Variants in REV3L observed in about 807,000 individuals in gnomAD.
The protein encoded by REV3L is REV3 like, DNA directed polymerase zeta catalytic subunit, also known as DNA polymerase zeta catalytic subunit.
In REV3L, 69 loss-of-function variants were observed where a neutral mutation model predicts 299.4. That is an observed-to-expected ratio of 0.23 (90% CI 0.19 to 0.28). The LOEUF is 0.28. Among genes scored for constraint, REV3L ranks in the 10% least tolerant of loss-of-function variants. The pLI, the probability that REV3L is intolerant of heterozygous loss-of-function variation, is 1.00. For synonymous variants in REV3L, 1,238 were observed against 1,271.4 expected (o/e 0.97, Z 0.56); for missense variants, 3,128 against 3,693.8 (o/e 0.85, Z 3.97).
intron 31 of REV3L, among the ~76,000 whole-genome samples, chr6:111,306,173 A>G (rs72943390): frequency 1.3e-5 from 2 of 152,280 alleles, no homozygotes; most frequent in African/African-American, 2.4e-5. Flanking sequence ...AGAGGAGATT[A>G]TGGCAGGAGC....
chr6:111,304,222 T>A (rs1052248955), intron 31 of REV3L, among the ~76,000 whole-genome samples: 1 of 149,518 alleles, frequency 6.7e-6, no homozygotes, highest in Admixed American at 6.7e-5. Context: ...TCATTACATC[T>A]CTAGTAATTT....
chr6:111,417,325 G>C (rs1323601549), intron 1 of REV3L, among the ~76,000 whole-genome samples: 3 of 152,328 alleles, frequency 2.0e-5, no homozygotes, highest in African/African-American at 4.8e-5. Flanking sequence ...ACAAAAAGCA[G>C]ATGCACCATT....
At chr6:111,335,337 C>G in intron 22 of REV3L, 132 bp downstream of exon 22, 1 of 1,024,956 alleles carries the variant, frequency 9.8e-7, no homozygotes, top group Non-Finnish European at 1.4e-6. Flanking sequence ...AATAAAATGA[C>G]AAGATTTAAT....
rs189402399 is a variant in REV3L, at chr6:111,394,055, C to T, written c.566-1083G>A. Among the ~76,000 whole-genome samples, 702 of 152,160 alleles carry T rather than the reference C, an allele frequency of 4.6e-3. 1 individual carries two copies. The highest frequency in any genetic ancestry group is 0.014 in the South Asian group (67 of 4,820). On this transcript the variant is annotated intron_variant, in intron 4 of 31. Transcript: ENST00000368802. Reference sequence around the variant, plus strand: ...ACTGATGTGCACTTAAGGTTGATTCCGCATCTTGGCTATTATAAACAGTGC... The same window carrying T: ...ACTGATGTGCACTTAAGGTTGATTCTGCATCTTGGCTATTATAAACAGTGC...
At chr6:111,329,494 AGT>A (rs1775173791) in intron 25 of REV3L, 36 bp downstream of exon 25, 2 of 1,589,928 alleles carry the variant, frequency 1.3e-6, no homozygotes, top group African/African-American at 2.7e-5. Flanking sequence ...ACTGTATTTT[AGT>A]CTCTTTTGAA....
At chr6:111,430,584 C>CA in intron 1 of REV3L, 1 of 1,558,148 alleles carries the variant, frequency 6.4e-7, no homozygotes, top group Non-Finnish European at 8.8e-7. Context: ...GCAGAAAACT[C>CA]AAAAGCAGGA....
At chr6:111,417,970 CAT>C (rs1019950323) in intron 1 of REV3L, among the ~76,000 whole-genome samples, 14 of 151,980 alleles carry the variant, frequency 9.2e-5, no homozygotes, top group Admixed American at 4.6e-4. Flanking sequence ...TCCTAAATTT[CAT>C]AGTTTTTCAA....
intron 1 of REV3L, among the ~76,000 whole-genome samples, chr6:111,428,549 CAG>C (rs1398810139): frequency 1.3e-4 from 20 of 151,586 alleles, no homozygotes; most frequent in Non-Finnish European, 2.5e-4. Context: ...AGAAAACAAA[CAG>C]AAATCAAAAC....
chr6:111,466,993 G>T (rs1791590236), intron 1 of REV3L, among the ~76,000 whole-genome samples: 1 of 152,172 alleles, frequency 6.6e-6, no homozygotes, highest in African/African-American at 2.4e-5. Context: ...TAATAAAGCA[G>T]ACGCTAAAGA....
chr6:111,471,006 A>C (rs1562364796), intron 1 of REV3L, among the ~76,000 whole-genome samples: 1 of 152,132 alleles, frequency 6.6e-6, no homozygotes, highest in Non-Finnish European at 1.5e-5. Flanking sequence ...AAAAATAAAT[A>C]AGTAAAAGAC....
chr6:111,437,809 A>T (rs554173336), intron 1 of REV3L, among the ~76,000 whole-genome samples: 1 of 152,114 alleles, frequency 6.6e-6, no homozygotes, highest in African/African-American at 2.4e-5. Context: ...ACTGAATTGT[A>T]TAAATAGGTA....
intron 1 of REV3L, 136 bp from the exon 2 acceptor site, chr6:111,416,608 T>C (rs551497908): frequency 1.5e-6 from 1 of 666,844 alleles, no homozygotes; most frequent in South Asian, 2.0e-5. Flanking sequence ...TAACCCATAG[T>C]TCAAAGTAAC....
chr6:111,350,493 T>C (rs1467438600), intron 19 of REV3L, among the ~76,000 whole-genome samples: 2 of 151,566 alleles, frequency 1.3e-5, no homozygotes, highest in African/African-American at 4.8e-5. Context: ...AAAAAAAAGA[T>C]ATACCACTAT....
chr6:111,309,690 C>CT, intron 30 of REV3L, 163 bp downstream of exon 30: 1 of 694,336 alleles, frequency 1.4e-6, no homozygotes, highest in Non-Finnish European at 2.2e-6. Context: ...CCACCTTTCT[C>CT]TACCCAGCAC....
At chr6:111,322,796 C>A in intron 25 of REV3L, 118 bp from the exon 26 acceptor site, 6 of 738,842 alleles carry the variant, frequency 8.1e-6, no homozygotes, top group South Asian at 2.0e-5. Flanking sequence ...GAGAAAAGAA[C>A]GTAAAAAAGA....
At chr6:111,396,131 ATCCTCC>A (rs1382148992) in intron 4 of REV3L, among the ~76,000 whole-genome samples, 1 of 152,118 alleles carries the variant, frequency 6.6e-6, no homozygotes, top group Non-Finnish European at 1.5e-5. Context: ...GGCTCAAGCC[ATCCTCC>A]TACCTAAGTC....
intron 1 of REV3L, among the ~76,000 whole-genome samples, chr6:111,432,547 T>A (rs1445516160): frequency 6.6e-6 from 1 of 152,130 alleles, no homozygotes; most frequent in Non-Finnish European, 1.5e-5. Flanking sequence ...AGCATCTGAG[T>A]GCATAAAGCA....
intron 7 of REV3L, 152 bp downstream of exon 7, chr6:111,388,954 G>C: frequency 1.7e-6 from 1 of 587,120 alleles, no homozygotes; most frequent in South Asian, 2.2e-5. Flanking sequence ...GATAAATAGT[G>C]GCTGTACAGC....
chr6:111,363,896 T>G lies in REV3L; in HGVS notation c.6836A>C (p.Lys2279Thr). 1 of 1,613,578 alleles carries G rather than the reference T, an allele frequency of 6.2e-7. No individual in the cohort carries two copies. Among genetic ancestry groups the G allele is most frequent in the Non-Finnish European group, 8.5e-7 (1 of 1,179,722 alleles). The part of the protein sequence containing the change: ...GPSLNNTYGF[K>T]VSIQNLQEAK... ...CTCCTGTAAGTTTTGTATGCTGACT[T>G]TGAAACCGTAAGTATTGTTTAAAGA... The change falls in exon 16 of 32, where the codon AAA (lysine) becomes ACA (threonine). Residue 2279 changes from lysine to threonine, a missense_variant. Lys to Thr is a moderately conservative substitution (Grantham distance 78). Around this residue, in one of 9 missense-constraint regions of REV3L, gnomAD observed 2,409 missense variants for 2,611.8 expected, o/e 0.92. Transcript: ENST00000368802.
Sources: gnomAD v4.1 joint callset for allele counts (sites outside exome capture counted in the v4.1 genomes callset) on GRCh38, gnomAD v4.1.1 for gene constraint, gnomAD v4.1.1 regional missense constraint, MANE v1.5 for transcripts, NCBI Gene and HGNC (gene_info 2026-07-23, HGNC 2026-07-21) for gene names.